Variants in GFRA1 observed in about 807,000 individuals in gnomAD.
GFRA1 encodes GDNF family receptor alpha 1.
In GFRA1, 16 loss-of-function variants were observed where a neutral mutation model predicts 51.6. The observed-to-expected ratio is 0.31, with a 90% CI of 0.21 to 0.47. GFRA1 has a LOEUF of 0.47. Among genes scored for constraint, GFRA1 ranks in the 20% least tolerant of loss-of-function variants. The pLI is 1.00. For missense variants in GFRA1, 530 were observed against 594.3 expected (o/e 0.89, Z 1.13); for synonymous variants, 270 against 241.3 (o/e 1.12, Z -1.10).
Position 116,064,094 on chromosome 10 carries a change from C to CATGATGATCATCATCATGATA in GFRA1, c.*303_*304insTATCATGATGATGATCATCAT. 5.3e-6 allele frequency: 1 copy of CATGATGATCATCATCATGATA among 189,008 alleles called. No individual in the cohort carries two copies. The highest frequency in any genetic ancestry group is 5.1e-5 in the South Asian group (1 of 19,584). The allele number at this position is 189,008 out of a possible 1,614,324, so 11.7% of individuals were successfully genotyped here. ...TGATCATGATGATCATCATCATGATCATCATCATCATCGAAAACACAGCCC... is the reference window on the plus strand; with the variant it reads ...TGATCATGATGATCATCATCATGATCATGATGATCATCATCATGATAATCATCATCATCGAAAACACAGCCC... On this transcript the variant is annotated 3_prime_UTR_variant, in exon 11 of 11. Coordinates refer to ENST00000355422, the MANE Select transcript of GFRA1 (RefSeq NM_005264.8).
intron 2 of GFRA1, among the ~76,000 whole-genome samples, chr10:116,271,503 C>G (rs1279842755): frequency 6.6e-6 from 1 of 152,080 alleles, no homozygotes; most frequent in Non-Finnish European, 1.5e-5. Context: ...AGGCGCTTTC[C>G]GAGGAGAAGT....
At chr10:116,157,032 G>GACTC (rs1959221549) in intron 5 of GFRA1, among the ~76,000 whole-genome samples, 1 of 152,170 alleles carries the variant, frequency 6.6e-6, no homozygotes, top group Admixed American at 6.5e-5. Context: ...GACAACAATG[G>GACTC]ACTCAGCTGC....
At chr10:116,213,062 T>C (rs1965320099) in intron 4 of GFRA1, among the ~76,000 whole-genome samples, 1 of 152,210 alleles carries the variant, frequency 6.6e-6, no homozygotes, top group Non-Finnish European at 1.5e-5. Context: ...TCTGCTCTGA[T>C]GGTAGGATTG....
intron 5 of GFRA1, among the ~76,000 whole-genome samples, chr10:116,127,134 G>C (rs1047809122): frequency 2.0e-5 from 3 of 151,978 alleles, no homozygotes; most frequent in Non-Finnish European, 2.9e-5. Context: ...GCTCTTCAAA[G>C]GGAATAAAGT....
At chr10:116,079,772 G>A (rs972606861) in intron 9 of GFRA1, among the ~76,000 whole-genome samples, 11 of 152,134 alleles carry the variant, frequency 7.2e-5, no homozygotes, top group Non-Finnish European at 1.3e-4. Context: ...ACAGCCAAGA[G>A]GTTACTGGAC....
chr10:116,203,345 C>G (rs1354766680), intron 5 of GFRA1, among the ~76,000 whole-genome samples: 1 of 152,204 alleles, frequency 6.6e-6, no homozygotes, highest in Non-Finnish European at 1.5e-5. Context: ...ATCAGGGGTT[C>G]AAGCAGCCCC....
intron 5 of GFRA1, among the ~76,000 whole-genome samples, chr10:116,181,925 G>A (rs1449274391): frequency 3.9e-5 from 6 of 152,208 alleles, no homozygotes; most frequent in Non-Finnish European, 8.8e-5. Flanking sequence ...TTACAGGCGT[G>A]AGCCACTGGA....
intron 6 of GFRA1, among the ~76,000 whole-genome samples, chr10:116,099,195 A>AC (rs1219441314): frequency 1.3e-5 from 2 of 152,194 alleles, no homozygotes; most frequent in Non-Finnish European, 2.9e-5. Context: ...GTGAGTTGGT[A>AC]CAATTTCAGG....
chr10:116,198,357 G>T (rs1964061499), intron 5 of GFRA1, among the ~76,000 whole-genome samples: 1 of 152,180 alleles, frequency 6.6e-6, no homozygotes, highest in African/African-American at 2.4e-5. Context: ...ATCCTTCAGA[G>T]ATTCACTCAT....
intron 4 of GFRA1, among the ~76,000 whole-genome samples, chr10:116,260,286 G>C (rs920956796): frequency 6.6e-6 from 1 of 152,168 alleles, no homozygotes; most frequent in Admixed American, 6.5e-5. Flanking sequence ...ACTGAAACAC[G>C]TGTCAAGGAA....
chr10:116,075,800 A>G (rs1490429982), intron 9 of GFRA1, among the ~76,000 whole-genome samples: 2 of 152,068 alleles, frequency 1.3e-5, no homozygotes, highest in Admixed American at 6.5e-5. Flanking sequence ...GCTGGACTGC[A>G]GTGGTGCTAT....
chr10:116,085,677 A>T (rs190729307), intron 9 of GFRA1, among the ~76,000 whole-genome samples: 39 of 152,234 alleles, frequency 2.6e-4, no homozygotes, highest in Admixed American at 2.5e-3. Flanking sequence ...CCCTTCACTC[A>T]TCACTCTCTC....
intron 6 of GFRA1, among the ~76,000 whole-genome samples, chr10:116,106,577 G>A (rs1037566260): frequency 6.6e-6 from 1 of 152,038 alleles, no homozygotes; most frequent in Non-Finnish European, 1.5e-5. Flanking sequence ...ACCCTCTTGG[G>A]TAGCGAGTAG....
intron 5 of GFRA1, among the ~76,000 whole-genome samples, chr10:116,131,904 GAAAAA>G (rs71010066): frequency 0.17 from 17,164 of 100,284 alleles, 1,214 homozygotes; most frequent in East Asian, 0.27. Context: ...ATCTCAAAAG[GAAAAA>G]AAAAAAAAAA....
At chr10:116,106,508 G>A (rs1589793670) in intron 6 of GFRA1, among the ~76,000 whole-genome samples, 1 of 152,166 alleles carries the variant, frequency 6.6e-6, no homozygotes. Flanking sequence ...GTTGGAGGTG[G>A]GGCCTGGTGG....
At chr10:116,080,168 A>AT (rs1955788485) in intron 9 of GFRA1, among the ~76,000 whole-genome samples, 1 of 152,176 alleles carries the variant, frequency 6.6e-6, no homozygotes, top group Non-Finnish European at 1.5e-5. Flanking sequence ...ACATAGTACC[A>AT]TTTTTGAGCT....
chr10:116,128,725 C>CAAAAAAAAAA (rs67642059), intron 5 of GFRA1, among the ~76,000 whole-genome samples: 1 of 87,830 alleles, frequency 1.1e-5, no homozygotes, highest in African/African-American at 4.4e-5. Flanking sequence ...GACTCTGTCT[C>CAAAAAAAAAA]AAAAAAAAAA....
chr10:116,136,163 C>T (rs1183518715), intron 5 of GFRA1, among the ~76,000 whole-genome samples: 1 of 152,138 alleles, frequency 6.6e-6, no homozygotes, highest in African/African-American at 2.4e-5. Context: ...CAAACATTTC[C>T]CGTTTTTATG....
At chr10:116,120,277 C>T (rs1339378884) in intron 6 of GFRA1, among the ~76,000 whole-genome samples, 1 of 152,172 alleles carries the variant, frequency 6.6e-6, no homozygotes, top group Admixed American at 6.5e-5. Context: ...ACCCTTGACC[C>T]AGCACTGTTG....
Sources: gnomAD v4.1 joint callset for allele counts (sites outside exome capture counted in the v4.1 genomes callset) on GRCh38, gnomAD v4.1.1 for gene constraint, MANE v1.5 for transcripts, NCBI Gene and HGNC (gene_info 2026-07-23, HGNC 2026-07-21) for gene names.